The following ANKRD53 variants were observed in gnomAD, a reference collection of about 807,000 sequenced individuals.
ANKRD53 encodes ankyrin repeat domain-containing protein 53.
Under a neutral mutation model 30.1 loss-of-function variants are expected in ANKRD53, and 27 were observed. That is an observed-to-expected ratio of 0.90 (90% CI 0.66 to 1.24). The LOEUF (loss-of-function observed/expected upper bound fraction) is 1.24. ANKRD53 is among the 50% of genes most tolerant of loss of function. The pLI, the probability that ANKRD53 is intolerant of heterozygous loss-of-function variation, is 0.00. For synonymous variants in ANKRD53, 286 were observed against 295.4 expected (o/e 0.97, Z 0.33); for missense variants, 682 against 721.0 (o/e 0.95, Z 0.62).
In ANKRD53 at chr2:70,985,403, T is replaced by G; in HGVS notation, c.*103T>G. 1 of 1,080,870 alleles carries G rather than the reference T, an allele frequency of 9.3e-7. No homozygotes were observed. The highest frequency in any genetic ancestry group is 1.6e-5 in the South Asian group (1 of 64,092). The allele number at this position is 1,080,870 out of a possible 1,614,324, so 67.0% of individuals were successfully genotyped here. ...GAAAGGGGGAGGGGTGCCTATGGGC[T>G]TCCCACTCCCAAGCTCGAGGAGTCA... On this transcript the variant is annotated 3_prime_UTR_variant, in exon 6 of 6. Transcript: ENST00000360589.
At chr2:70,984,080 G>A (rs782451404) in intron 5 of ANKRD53, 8 of 1,571,870 alleles carry the variant, frequency 5.1e-6, no homozygotes, top group Non-Finnish European at 7.0e-6. Context: ...CAAGAAGCGT[G>A]TCCACATCAG....
chr2:70,984,970 C>A lies in ANKRD53; in HGVS notation c.1263C>A (p.Ser421Arg), dbSNP rs1553424495. The A allele has an allele frequency of 6.5e-7, 1 of 1,549,948 alleles. No homozygotes were observed. The highest frequency in any genetic ancestry group is 8.7e-7 in the Non-Finnish European group (1 of 1,146,538). The stretch of plus-strand genomic sequence containing the variant: ...ACCCCACTCCGGAGCACGACTTCAG[C>A]AGCTTCCTGGAGGTGAGGCCTGATG... ...HPDPTPEHDF[S>R]SFLEVRPDGH... The change falls in exon 6 of 6, where the codon AGC becomes AGA. Residue 421 changes from serine to arginine, a missense_variant. Transcript: ENST00000360589.
In ANKRD53 at chr2:70,985,005, G is replaced by A. The variant is rs1553424519; in HGVS notation, c.1298G>A (p.Gly433Asp). Residue 433 changes from glycine to aspartate, a missense_variant, in exon 6 of 6, where the codon GGT becomes GAT. By Grantham distance (94) the Gly-to-Asp change is moderately conservative. Coordinates refer to ENST00000360589, the MANE Select transcript of ANKRD53 (RefSeq NM_001115116.2). ...FLEVRPDGHGGARLHTVDGHW... is the reference protein window; with the variant it reads ...FLEVRPDGHGDARLHTVDGHW... Reference sequence around the variant, plus strand: ...GAGGTGAGGCCTGATGGGCACGGCGGTGCGCGGCTGCACACAGTGGACGGC... The same window carrying A: ...GAGGTGAGGCCTGATGGGCACGGCGATGCGCGGCTGCACACAGTGGACGGC... 1 of 1,549,130 alleles carries A rather than the reference G, an allele frequency of 6.5e-7. No individual in the cohort carries two copies. Among genetic ancestry groups the A allele is most frequent in the Non-Finnish European group, 8.7e-7 (1 of 1,146,538 alleles).
chr2:70,983,184 C>T (rs142181572), intron 5 of ANKRD53, among the ~76,000 whole-genome samples: 2 of 152,158 alleles, frequency 1.3e-5, no homozygotes, highest in Non-Finnish European at 2.9e-5. Flanking sequence ...ACAGGCCCAT[C>T]AAGGAGGAGA....
chr2:70,985,128 T>C lies in ANKRD53; in HGVS notation c.1421T>C (p.Phe474Ser). 1 of 1,551,232 alleles carries C rather than the reference T, an allele frequency of 6.4e-7. No individual in the cohort carries two copies. The highest frequency in any genetic ancestry group is 8.7e-7 in the Non-Finnish European group (1 of 1,146,982). ...WPYRMKVPQG[F>S]YPISMREVPR... ...TACAGAATGAAGGTGCCCCAGGGCT[T>C]TTACCCCATCAGCATGAGGGAAGTG... The change falls in exon 6 of 6, where the codon TTT (phenylalanine) becomes TCT (serine). Residue 474 changes from phenylalanine (F) to serine (S), a missense_variant. Physicochemically the swap from Phe to Ser is radical, Grantham distance 155. Transcript: ENST00000360589.
intron 3 of ANKRD53, 85 bp downstream of exon 3, chr2:70,979,945 C>A: frequency 6.7e-7 from 1 of 1,490,614 alleles, no homozygotes; most frequent in South Asian, 1.2e-5. Context: ...CCATGCAGGA[C>A]AAGCAGAGGG....
At chr2:70,981,156 A>G (rs1292697167) in intron 3 of ANKRD53, among the ~76,000 whole-genome samples, 1 of 152,236 alleles carries the variant, frequency 6.6e-6, no homozygotes, top group Non-Finnish European at 1.5e-5. Flanking sequence ...GTGATCACTG[A>G]AAAGTGCATG....
chr2:70,979,482 T>C (rs1253783123), intron 2 of ANKRD53, 139 bp downstream of exon 2: 2 of 1,482,190 alleles, frequency 1.3e-6, no homozygotes, highest in Non-Finnish European at 9.0e-7. Context: ...AAGGACCATT[T>C]TGGGGGCAGG....
Position 70,984,682 on chromosome 2 carries a change from T to A in ANKRD53, c.975T>A (p.Ser325=). The change falls in exon 6 of 6, where the codon TCT becomes TCA. Residue 325 remains serine, a synonymous_variant. Transcript: ENST00000360589. The part of the protein sequence containing the change: ...WLHGKLHPGH[S]LVSNTKQARA... ...ACGGCAAGCTGCACCCAGGCCACTC[T>A]CTGGTCTCCAATACCAAGCAAGCCC... The A allele has an allele frequency of 6.2e-7, 1 of 1,614,100 alleles. No homozygotes were observed.
Position 70,984,901 on chromosome 2 carries a change from C to T in ANKRD53, c.1194C>T (p.Thr398=), listed in dbSNP as rs1553424459. 3 of 1,550,812 alleles carry T rather than the reference C, an allele frequency of 1.9e-6. No individual in the cohort carries two copies. The highest frequency in any genetic ancestry group is 1.4e-5 in the African/African-American group (1 of 73,066). The part of the protein sequence containing the change: ...VSNNPARPPT[T]QISHSQGIRL... ...ACAACCCCGCCAGACCCCCCACCAC[C>T]CAGATCAGCCACTCGCAGGGCATCC... Residue 398 remains threonine (T), a synonymous_variant, in exon 6 of 6, where the codon ACC becomes ACT. Transcript: ENST00000360589.
chr2:70,979,004 C>G, intron 1 of ANKRD53, 93 bp from the exon 2 acceptor site: 3 of 1,467,094 alleles, frequency 2.0e-6, no homozygotes, highest in Non-Finnish European at 2.7e-6. Flanking sequence ...TCCCCACTGC[C>G]CCGCCCACCA....
At position 70,982,365 on chromosome 2, in the gene ANKRD53, G is replaced by A; in HGVS notation, c.783-212G>A. On this transcript the variant is annotated intron_variant, in intron 4 of 5. Transcript: ENST00000360589. This position sits in a 1 kb window ranked among gnomAD's most constrained non-coding sequence, Gnocchi z 4.2. Reference sequence around the variant, plus strand: ...GGGGCCCCTGGCTCCTCAGCAGGAGGGTGGTGACCAGGTCATCAAGGACTT... The same window carrying A: ...GGGGCCCCTGGCTCCTCAGCAGGAGAGTGGTGACCAGGTCATCAAGGACTT... The A allele has an allele frequency of 1.3e-6, 1 of 766,400 alleles. No homozygotes were observed. Among genetic ancestry groups the A allele is most frequent in the Non-Finnish European group, 2.0e-6 (1 of 493,596 alleles). The allele number at this position is 766,400 out of a possible 1,614,324, so 47.5% of individuals were successfully genotyped here.
intron 2 of ANKRD53, 81 bp downstream of exon 2, chr2:70,979,424 T>C (rs961008946): frequency 5.7e-6 from 9 of 1,584,350 alleles, no homozygotes; most frequent in Non-Finnish European, 6.9e-6. Context: ...AGAAGAGATA[T>C]CCTTTTCTGG....
At chr2:70,979,369 G>C in intron 2 of ANKRD53, 26 bp downstream of exon 2, 1 of 1,612,394 alleles carries the variant, frequency 6.2e-7, no homozygotes, top group Non-Finnish European at 8.5e-7. Context: ...TTGGGGCAAA[G>C]ACCGAGGTCC....
Position 70,981,980 on chromosome 2 carries a change from A to T in ANKRD53, c.662A>T (p.Asp221Val), listed in dbSNP as rs373141271. Residue 221 changes from aspartate to valine, a missense_variant, in exon 4 of 6, where the codon GAC becomes GTC. Physicochemically the swap from Asp to Val is radical, Grantham distance 152. Coordinates refer to ENST00000360589, the MANE Select transcript of ANKRD53 (RefSeq NM_001115116.2). ...GSTPLHLAAR[D>V]GLLDCVKVLV... ...ACGCCCCTGCACCTGGCAGCCCGTGACGGCTTGCTGGACTGTGTGAAGGTC... is the reference window on the plus strand; with the variant it reads ...ACGCCCCTGCACCTGGCAGCCCGTGTCGGCTTGCTGGACTGTGTGAAGGTC... 1 of 1,610,686 alleles carries T rather than the reference A, an allele frequency of 6.2e-7. No homozygotes were observed. Among genetic ancestry groups the T allele is most frequent in the South Asian group, 1.1e-5 (1 of 90,596 alleles).
At chr2:70,979,587 T>C in intron 2 of ANKRD53, 74 bp from the exon 3 acceptor site, 1 of 1,483,146 alleles carries the variant, frequency 6.7e-7, no homozygotes, top group Non-Finnish European at 9.1e-7. Flanking sequence ...GTAACCCCAA[T>C]AAATTTATAT....
In ANKRD53 at chr2:70,985,417, C is replaced by G. The variant is rs1670162361; in HGVS notation, c.*117C>G. 4.4e-6 allele frequency: 4 copies of G among 910,976 alleles called. No homozygotes were observed. Among genetic ancestry groups the G allele is most frequent in the Middle Eastern group, 3.5e-4 (1 of 2,872 alleles). 56.4% of individuals were successfully genotyped at this position (910,976 alleles called of 1,614,324 possible). On this transcript the variant is annotated 3_prime_UTR_variant, in exon 6 of 6. Transcript: ENST00000360589. ...TGCCTATGGGCTTCCCACTCCCAAGCTCGAGGAGTCACCCTTCCCAATCAA... is the reference window on the plus strand; with the variant it reads ...TGCCTATGGGCTTCCCACTCCCAAGGTCGAGGAGTCACCCTTCCCAATCAA...
chr2:70,980,720 C>T (rs1300061284), intron 3 of ANKRD53, among the ~76,000 whole-genome samples: 5 of 152,192 alleles, frequency 3.3e-5, no homozygotes, highest in Middle Eastern at 3.4e-3. Context: ...CTGGGGCGAG[C>T]GGATCACGAG....
chr2:70,979,611 T>C (rs1487379886), intron 2 of ANKRD53, 50 bp from the exon 3 acceptor site: 5 of 1,569,432 alleles, frequency 3.2e-6, no homozygotes, highest in Non-Finnish European at 4.3e-6. Flanking sequence ...TTGTGGACCC[T>C]GGGACCTCAG....
Sources: gnomAD v4.1 joint callset for allele counts (sites outside exome capture counted in the v4.1 genomes callset) on GRCh38, gnomAD v4.1.1 for gene constraint, Gnocchi (gnomAD v3.1) non-coding constraint, MANE v1.5 for transcripts, NCBI Gene and HGNC (gene_info 2026-07-23, HGNC 2026-07-21) for gene names.